Variants in PCDH15 observed in about 807,000 individuals in gnomAD.
The protein encoded by PCDH15 is protocadherin-15.
A neutral mutation model predicts 178.5 loss-of-function variants in PCDH15; 129 were observed. That is an observed-to-expected ratio of 0.72 (90% CI 0.63 to 0.84). The LOEUF (loss-of-function observed/expected upper bound fraction) is 0.84. PCDH15 is among the 40% of genes least tolerant of loss of function. PCDH15 has a pLI of 0.00. For synonymous variants in PCDH15, 800 were observed against 732.0 expected, an observed-to-expected ratio of 1.09 and a Z score of -1.50; for missense variants, 2,230 against 2,099.9, an observed-to-expected ratio of 1.06 and a Z score of -1.21.
Position 54,152,957 on chromosome 10 carries a change from G to A in PCDH15, c.1784+143C>T, listed in dbSNP as rs1395262865. On this transcript the variant is annotated intron_variant, in intron 14 of 37. Transcript: ENST00000644397. ...TTAACCAAATCAGAATATGCATGCA[G>A]TTCCTGAGAATCTGGTCTCTCTGAT... is the stretch of plus-strand genomic sequence containing the variant. 4 of 1,004,624 alleles carry A rather than the reference G, an allele frequency of 4.0e-6. No homozygotes were observed. In the Admixed American group the frequency reaches 6.2e-5, roughly 16 times the overall value. The allele number at this position is 1,004,624 out of a possible 1,614,324, so 62.2% of individuals were successfully genotyped here.
At chr10:54,133,355 T>C (rs947466597) in intron 14 of PCDH15, among the ~76,000 whole-genome samples, 7 of 152,184 alleles carry the variant, frequency 4.6e-5, no homozygotes, top group Admixed American at 4.6e-4. Flanking sequence ...TATAAACATC[T>C]GGTAATAAAA....
intron 1 of PCDH15, among the ~76,000 whole-genome samples, chr10:54,666,419 A>G (rs758098706): frequency 6.6e-6 from 1 of 152,024 alleles, no homozygotes; most frequent in Non-Finnish European, 1.5e-5. Flanking sequence ...TATTGGAAAA[A>G]TTCCCAGAAA....
intron 12 of PCDH15, among the ~76,000 whole-genome samples, chr10:54,184,327 C>T (rs1346353516): frequency 6.6e-6 from 1 of 152,038 alleles, no homozygotes; most frequent in African/African-American, 2.4e-5. Context: ...CTTGTGCTTT[C>T]TCTTAGCTCA....
intron 21 of PCDH15, among the ~76,000 whole-genome samples, chr10:53,966,103 G>A (rs1457495343): frequency 2.0e-5 from 3 of 149,904 alleles, no homozygotes; most frequent in Non-Finnish European, 4.4e-5. Flanking sequence ...TTACAGATAA[G>A]ATTGTATGTA....
intron 5 of PCDH15, among the ~76,000 whole-genome samples, chr10:54,367,812 T>C (rs1246073469): frequency 1.3e-5 from 2 of 151,552 alleles, no homozygotes; most frequent in African/African-American, 4.8e-5. Flanking sequence ...TATATATATG[T>C]GTATATATGT....
chr10:55,098,646 A>C (rs1842499983), intron 2 of PCDH15, among the ~76,000 whole-genome samples: 2 of 152,004 alleles, frequency 1.3e-5, no homozygotes, highest in Non-Finnish European at 2.9e-5. Flanking sequence ...CCCCATTTGC[A>C]TAAGATTAGG....
intron 2 of PCDH15, among the ~76,000 whole-genome samples, chr10:55,579,961 A>G (rs1842575306): frequency 6.6e-6 from 1 of 152,134 alleles, no homozygotes; most frequent in African/African-American, 2.4e-5. Context: ...GGTTCAAGCA[A>G]TTCTCATGCC....
intron 3 of PCDH15, among the ~76,000 whole-genome samples, chr10:54,812,471 G>A (rs1564530377): frequency 6.6e-6 from 1 of 151,412 alleles, no homozygotes; most frequent in African/African-American, 2.4e-5. Context: ...GTTTTGTTTT[G>A]TTTTTTGAGA....
chr10:54,388,216 G>T (rs1565150678), intron 3 of PCDH15, among the ~76,000 whole-genome samples: 1 of 152,140 alleles, frequency 6.6e-6, no homozygotes, highest in Admixed American at 6.5e-5. Context: ...CTGTTCAAAC[G>T]TTCATCAGCA....
chr10:55,001,173 T>C (rs1839786346), intron 2 of PCDH15, among the ~76,000 whole-genome samples: 1 of 152,116 alleles, frequency 6.6e-6, no homozygotes, highest in South Asian at 2.1e-4. Context: ...TTCATTGGGA[T>C]GACCTGCCTG....
At chr10:54,120,417 T>A (rs1773570323) in intron 15 of PCDH15, among the ~76,000 whole-genome samples, 1 of 152,128 alleles carries the variant, frequency 6.6e-6, no homozygotes, top group African/African-American at 2.4e-5. Context: ...CATATCAATA[T>A]TAACCTGGTA....
chr10:54,298,922 C>G (rs1394930914), intron 8 of PCDH15, among the ~76,000 whole-genome samples: 3 of 152,370 alleles, frequency 2.0e-5, no homozygotes, highest in African/African-American at 7.2e-5. Flanking sequence ...GTATGCTTAT[C>G]TAATCCTACA....
At chr10:55,274,855 AG>A (rs1254189438) in intron 1 of PCDH15, among the ~76,000 whole-genome samples, 1 of 152,014 alleles carries the variant, frequency 6.6e-6, no homozygotes, top group Admixed American at 6.5e-5. Context: ...AGTTCAAAAT[AG>A]GGTCCCCGCT....
chr10:55,460,142 C>A (rs957284478), intron 2 of PCDH15, among the ~76,000 whole-genome samples: 4 of 151,552 alleles, frequency 2.6e-5, no homozygotes, highest in Non-Finnish European at 5.9e-5. Context: ...AATGATGCCA[C>A]CTGTTAACAA....
chr10:55,303,038 G>C (rs1005485852), intron 1 of PCDH15, among the ~76,000 whole-genome samples: 1 of 151,676 alleles, frequency 6.6e-6, no homozygotes, highest in African/African-American at 2.4e-5. Context: ...GTCAATACAT[G>C]TTATGTTCTA....
At chr10:54,057,472 C>A (rs12244766) in intron 18 of PCDH15, among the ~76,000 whole-genome samples, 31,746 of 152,168 alleles carry the variant, frequency 0.21, 3,496 homozygotes, top group Non-Finnish European at 0.23. Context: ...CTCTGAAGCC[C>A]TGGCCTGAGC....
At chr10:55,535,626 C>T (rs1841560576) in intron 2 of PCDH15, among the ~76,000 whole-genome samples, 1 of 151,942 alleles carries the variant, frequency 6.6e-6, no homozygotes, top group Non-Finnish European at 1.5e-5. Flanking sequence ...TAACTTTGCA[C>T]CTTCTAGGAA....
At chr10:54,569,708 A>C (rs2089528421) in intron 2 of PCDH15, among the ~76,000 whole-genome samples, 1 of 152,050 alleles carries the variant, frequency 6.6e-6, no homozygotes, top group Admixed American at 6.6e-5. Flanking sequence ...AATTATTTCT[A>C]CTCCCTGAGA....
intron 2 of PCDH15, among the ~76,000 whole-genome samples, chr10:55,538,962 T>C (rs1206409904): frequency 0.25 from 2,369 of 9,466 alleles, 634 homozygotes; most frequent in South Asian, 0.35. Flanking sequence ...TTCCTTTCCT[T>C]CCTTCCTTCC....
Sources: allele counts gnomAD v4.1 joint callset (sites outside exome capture counted in the v4.1 genomes callset), GRCh38; gene constraint gnomAD v4.1.1; transcripts MANE v1.5; gene names NCBI Gene and HGNC (gene_info 2026-07-23, HGNC 2026-07-21).